SND1: variants seen among roughly 807,000 people sequenced by gnomAD.
SND1 encodes staphylococcal nuclease and tudor domain containing 1.
SND1 carries 38 observed loss-of-function variants against 121.7 expected under a neutral mutation model. That is an observed-to-expected ratio of 0.31 (90% confidence interval 0.24 to 0.41). The LOEUF is 0.41. Ranked by LOEUF, SND1 falls within the 10% of genes least tolerant of loss-of-function variation. The pLI is 1.00. For missense variants in SND1, 868 were observed against 1,184.6 expected, an observed-to-expected ratio of 0.73 and a Z score of 3.92; for synonymous variants, 401 against 447.4, an observed-to-expected ratio of 0.90 and a Z score of 1.31.
intron 10 of SND1, among the ~76,000 whole-genome samples, chr7:127,802,027 A>G (rs1798141049): frequency 6.6e-6 from 1 of 151,918 alleles, no homozygotes; most frequent in Non-Finnish European, 1.5e-5. Flanking sequence ...TTGTATTTTT[A>G]GTAGAGATGG....
At position 128,084,826 on chromosome 7, in the gene SND1, C is replaced by A; in HGVS notation, c.2213C>A (p.Ala738Asp). 6.3e-7 allele frequency: 1 copy of A among 1,599,088 alleles called. No individual in the cohort carries two copies. Among genetic ancestry groups the A allele is most frequent in the Non-Finnish European group, 8.5e-7 (1 of 1,169,794 alleles). ...YAPRRGEFCI[A>D]KFVDGEWYRA... ...CCCCGCAGGGGAGAGTTCTGCATTGCCAAATTTGTAGATGGAGAATGGTAA... is the reference window on the plus strand; with the variant it reads ...CCCCGCAGGGGAGAGTTCTGCATTGACAAATTTGTAGATGGAGAATGGTAA... Residue 738 changes from alanine to aspartate, a missense_variant, in exon 19 of 24, where the codon GCC becomes GAC. By Grantham distance (126) the Ala-to-Asp change is moderately radical. Coordinates refer to ENST00000354725, the MANE Select transcript of SND1 (RefSeq NM_014390.4).
chr7:127,943,531 G>A (rs1480476762), intron 15 of SND1, among the ~76,000 whole-genome samples: 2 of 152,192 alleles, frequency 1.3e-5, no homozygotes, highest in Non-Finnish European at 2.9e-5. Context: ...AGGCCTTTGT[G>A]CTTCAATCTT....
rs377455257 is a variant in SND1 at position 128,085,947 on chromosome 7, A to G, written c.2304+167A>G. Among the ~76,000 whole-genome samples the G allele has an allele frequency of 1.1e-4, 16 of 152,288 alleles. No homozygotes were observed. The highest frequency in any genetic ancestry group is 3.8e-4 in the African/African-American group (16 of 41,566). On this transcript the variant is annotated intron_variant, in intron 20 of 23. Transcript: ENST00000354725. The surrounding 1 kb of genome is among the most constrained non-coding windows in gnomAD (Gnocchi z 4.4). The stretch of plus-strand genomic sequence containing the variant: ...GCCAGGCCCCCTCAGTGACCTGGCA[A>G]AACTGGGGTCTATGACCAGTGGCTG...
At chr7:127,948,638 G>A (rs1363147316) in intron 15 of SND1, among the ~76,000 whole-genome samples, 1 of 152,218 alleles carries the variant, frequency 6.6e-6, no homozygotes, top group African/African-American at 2.4e-5. Flanking sequence ...AGAGCAATTA[G>A]GGCCCTAATG....
chr7:128,077,225 G>C (rs1056457430), intron 17 of SND1, among the ~76,000 whole-genome samples: 3 of 152,246 alleles, frequency 2.0e-5, no homozygotes, highest in African/African-American at 4.8e-5. Context: ...ACAGGATTTA[G>C]AAAGGAAAGA....
At chr7:127,652,980 C>T (rs1795148500) in intron 1 of SND1, among the ~76,000 whole-genome samples, 1 of 152,130 alleles carries the variant, frequency 6.6e-6, no homozygotes, top group South Asian at 2.1e-4. Context: ...AGCTCCTGAT[C>T]TTTGTGTACT....
chr7:127,703,097 G>C (rs1354822778), intron 6 of SND1, 68 bp from the exon 7 acceptor site: 5 of 1,571,340 alleles, frequency 3.2e-6, no homozygotes, highest in African/African-American at 1.4e-5. Flanking sequence ...GGAAGGCTTA[G>C]TGTGGGGCGA....
intron 14 of SND1, among the ~76,000 whole-genome samples, chr7:127,928,956 A>G (rs991406035): frequency 2.6e-5 from 4 of 152,144 alleles, no homozygotes; most frequent in Non-Finnish European, 5.9e-5. Flanking sequence ...TGAAAGTCTC[A>G]TTTTCCAAGC....
chr7:128,033,421 C>T (rs528936684), intron 16 of SND1, among the ~76,000 whole-genome samples: 1 of 152,294 alleles, frequency 6.6e-6, no homozygotes, highest in Non-Finnish European at 1.5e-5. Context: ...CACCCCTCTC[C>T]CCGTGTGATT....
At chr7:127,712,368 A>C (rs1463501809) in intron 9 of SND1, among the ~76,000 whole-genome samples, 1 of 152,158 alleles carries the variant, frequency 6.6e-6, no homozygotes, top group Admixed American at 6.5e-5. Flanking sequence ...TATGTTGCCC[A>C]GGCTGGTCTT....
intron 16 of SND1, among the ~76,000 whole-genome samples, chr7:128,018,727 C>G (rs1803282757): frequency 6.6e-6 from 1 of 151,912 alleles, no homozygotes; most frequent in Non-Finnish European, 1.5e-5. Flanking sequence ...CCACCAGGGG[C>G]AAAATAAGGG....
At chr7:128,065,378 TG>T (rs951591484) in intron 16 of SND1, among the ~76,000 whole-genome samples, 7 of 152,054 alleles carry the variant, frequency 4.6e-5, no homozygotes, top group African/African-American at 1.7e-4. Flanking sequence ...CTGGCCCCAT[TG>T]GGGGGGTCAC....
chr7:128,037,503 C>A (rs1792771592), intron 16 of SND1, among the ~76,000 whole-genome samples: 1 of 152,112 alleles, frequency 6.6e-6, no homozygotes, highest in Non-Finnish European at 1.5e-5. Context: ...GAGGATGTAC[C>A]CCTATTTTTC....
intron 14 of SND1, among the ~76,000 whole-genome samples, chr7:127,919,371 C>G (rs1472587620): frequency 6.6e-6 from 1 of 152,128 alleles, no homozygotes; most frequent in Non-Finnish European, 1.5e-5. Context: ...GAAATGAAGA[C>G]TTGTGCCTCA....
intron 4 of SND1, among the ~76,000 whole-genome samples, chr7:127,700,321 G>T (rs747308135): frequency 3.7e-4 from 57 of 152,144 alleles, no homozygotes; most frequent in Non-Finnish European, 7.3e-4. Flanking sequence ...ATCCCTGAGG[G>T]TGTGGTTGCC....
At chr7:128,028,603 T>C (rs1803550636) in intron 16 of SND1, 2 of 1,364,772 alleles carry the variant, frequency 1.5e-6, no homozygotes, top group Non-Finnish European at 2.0e-6. Context: ...AGAAAAAGTC[T>C]CTCCCCACTC....
At chr7:127,652,810 TTAG>T (rs1261530085) in intron 1 of SND1, among the ~76,000 whole-genome samples, 1 of 152,196 alleles carries the variant, frequency 6.6e-6, no homozygotes, top group Non-Finnish European at 1.5e-5. Flanking sequence ...TGCTGAGTAG[TTAG>T]TAGTTTTTCG....
intron 15 of SND1, among the ~76,000 whole-genome samples, chr7:127,956,156 C>T (rs1250893330): frequency 6.6e-6 from 1 of 152,174 alleles, no homozygotes; most frequent in Non-Finnish European, 1.5e-5. Context: ...CTCCATATGC[C>T]CAATCCTTAG....
Position 127,927,812 on chromosome 7 carries a change from A to G in SND1, c.1528-1376A>G, listed in dbSNP as rs148311159. Among the ~76,000 whole-genome samples the G allele has an allele frequency of 4.7e-3, 713 of 152,296 alleles. 7 individuals carry two copies. The highest frequency in any genetic ancestry group is 0.016 in the African/African-American group (676 of 41,570). ...ATGGCTTGTTATGTTTTCATTATCT[A>G]ATGTGCATTAATTTAAATAAAATAG... On this transcript the variant is annotated intron_variant, in intron 14 of 23. Transcript: ENST00000354725.
Sources: gnomAD v4.1 joint callset for allele counts (sites outside exome capture counted in the v4.1 genomes callset) on GRCh38, gnomAD v4.1.1 for gene constraint, Gnocchi (gnomAD v3.1) non-coding constraint, MANE v1.5 for transcripts, NCBI Gene and HGNC (gene_info 2026-07-23, HGNC 2026-07-21) for gene names.